DISP1: variants seen among roughly 807,000 people sequenced by gnomAD.
DISP1 encodes the protein dispatched RND transporter family member 1.
A neutral mutation model predicts 37.3 loss-of-function variants in DISP1; 30 were observed. That is an observed-to-expected ratio of 0.80 (90% CI 0.60 to 1.09). The LOEUF is 1.09. Ranked by LOEUF, DISP1 falls within the 50% of genes least tolerant of loss-of-function variation. DISP1 has a pLI of 0.00. For missense variants in DISP1, 1,598 were observed against 1,879.5 expected (o/e 0.85, Z 2.77); for synonymous variants, 634 against 690.2 (o/e 0.92, Z 1.28).
chr1:222,937,462 C>T (rs942028211), intron 2 of DISP1, among the ~76,000 whole-genome samples: 2 of 152,142 alleles, frequency 1.3e-5, no homozygotes, highest in Non-Finnish European at 2.9e-5. Context: ...TGTATACATA[C>T]ATAGTGTTAT....
intron 6 of DISP1, 38 bp downstream of exon 6, chr1:222,991,685 A>G: frequency 6.3e-7 from 1 of 1,587,336 alleles, no homozygotes; most frequent in Non-Finnish European, 8.6e-7. Flanking sequence ...TTTTAGACAA[A>G]ACATTGCTGA....
At chr1:222,868,739 A>G (rs1049273674) in intron 1 of DISP1, among the ~76,000 whole-genome samples, 4 of 152,152 alleles carry the variant, frequency 2.6e-5, no homozygotes, top group African/African-American at 7.2e-5. Flanking sequence ...ATATACTGAA[A>G]TTCTTCAATA....
chr1:222,994,740 G>A (rs1283688041), intron 7 of DISP1, 145 bp from the exon 8 acceptor site: 1 of 643,914 alleles, frequency 1.6e-6, no homozygotes, highest in Non-Finnish European at 2.7e-6. Flanking sequence ...TTTTCTCCTG[G>A]AATTTATCAA....
At chr1:222,838,533 C>A (rs573643531) in intron 1 of DISP1, among the ~76,000 whole-genome samples, 334 of 151,984 alleles carry the variant, frequency 2.2e-3, no homozygotes, top group African/African-American at 7.6e-3. Flanking sequence ...CTTTGGGAGC[C>A]CCAGGTAGAA....
chr1:222,896,508 G>A (rs2125396846), intron 1 of DISP1, among the ~76,000 whole-genome samples: 1 of 152,008 alleles, frequency 6.6e-6, no homozygotes, highest in African/African-American at 2.4e-5. Context: ...GGCTGAGGCA[G>A]GAGAATTGCT....
chr1:222,977,484 T>C (rs1409296698), intron 3 of DISP1, among the ~76,000 whole-genome samples: 1 of 151,794 alleles, frequency 6.6e-6, no homozygotes. Context: ...TTAGATTACT[T>C]GTCACTATAT....
rs892852654 is a variant in DISP1, at chr1:222,961,927, AC to A, written c.509+18598del. Among the ~76,000 whole-genome samples, 37 of 151,922 alleles carry A rather than the reference AC, an allele frequency of 2.4e-4. 1 individual carries two copies. The highest frequency in any genetic ancestry group is 8.7e-4 in the African/African-American group (36 of 41,340). Reference sequence around the variant, plus strand: ...AGGCTGAGGCAGGAGAATCACTTGAACCCAGGAGGCAGAGGTTGCAGTGAGC... The same window carrying A: ...AGGCTGAGGCAGGAGAATCACTTGAACCAGGAGGCAGAGGTTGCAGTGAGC... On this transcript the variant is annotated intron_variant, in intron 3 of 8. Coordinates refer to ENST00000675850, the MANE Select transcript of DISP1 (RefSeq NM_001377229.1).
chr1:222,948,357 G>A (rs1452885927), intron 3 of DISP1, among the ~76,000 whole-genome samples: 3 of 152,156 alleles, frequency 2.0e-5, no homozygotes, highest in Non-Finnish European at 2.9e-5. Flanking sequence ...ATGCTATCTC[G>A]TCCTTTACCC....
At chr1:222,979,180 A>C (rs1677637169) in intron 3 of DISP1, among the ~76,000 whole-genome samples, 1 of 152,170 alleles carries the variant, frequency 6.6e-6, no homozygotes, top group Non-Finnish European at 1.5e-5. Context: ...AGCCTGGGCG[A>C]GAGTGTCACT....
chr1:222,955,179 T>C (rs2789936), intron 3 of DISP1, among the ~76,000 whole-genome samples: 148,503 of 151,810 alleles, frequency 0.98, 72,712 homozygotes, highest in East Asian at 1. Context: ...CTCTGCCTCC[T>C]GAGTTCATGT....
chr1:222,917,866 A>G (rs1672582725), intron 1 of DISP1, among the ~76,000 whole-genome samples: 1 of 152,226 alleles, frequency 6.6e-6, no homozygotes, highest in Non-Finnish European at 1.5e-5. Flanking sequence ...TGTTGGTTCA[A>G]GCAATGGCCT....
chr1:222,950,095 T>C (rs1442703421), intron 3 of DISP1, among the ~76,000 whole-genome samples: 2 of 152,092 alleles, frequency 1.3e-5, no homozygotes, highest in African/African-American at 4.8e-5. Flanking sequence ...AATAAATAAC[T>C]CTAAGAGTTG....
At chr1:222,984,765 C>A (rs1223740104) in intron 4 of DISP1, among the ~76,000 whole-genome samples, 1 of 152,076 alleles carries the variant, frequency 6.6e-6, no homozygotes, top group East Asian at 1.9e-4. Context: ...AACTGAAATT[C>A]TGTACCCATT....
intron 1 of DISP1, among the ~76,000 whole-genome samples, chr1:222,878,254 G>T (rs1407621838): frequency 6.6e-6 from 1 of 152,188 alleles, no homozygotes; most frequent in East Asian, 1.9e-4. Flanking sequence ...AAAAGAAGAT[G>T]AGAGTGAAGA....
At chr1:222,994,852 C>CT in intron 7 of DISP1, 33 bp from the exon 8 acceptor site, 1 of 1,481,878 alleles carries the variant, frequency 6.7e-7, no homozygotes, top group Non-Finnish European at 9.4e-7. Flanking sequence ...ATTTATAAAC[C>CT]TTTTTCTTTC....
rs191575622 is a variant in DISP1 at position 222,888,382 on chromosome 1, A to G, written c.-158-40048A>G. ...ATATACATTGAACAAACCATCTTTT[A>G]AAAAGTTAAAAATTTCAAGCTGAAG... On this transcript the variant is annotated intron_variant, in intron 1 of 8. Coordinates refer to ENST00000675850, the MANE Select transcript of DISP1 (RefSeq NM_001377229.1). Among the ~76,000 whole-genome samples the G allele has an allele frequency of 2.8e-3, 420 of 152,314 alleles. 3 individuals carry two copies. The highest frequency in any genetic ancestry group is 9.7e-3 in the African/African-American group (405 of 41,576).
chr1:222,942,420 A>G (rs918761588), intron 2 of DISP1, among the ~76,000 whole-genome samples: 5 of 152,132 alleles, frequency 3.3e-5, no homozygotes, highest in Non-Finnish European at 7.4e-5. Flanking sequence ...AAATCAGAAC[A>G]TATAAGCCAA....
chr1:222,936,903 T>TA lies in DISP1; in HGVS notation c.-17-5903dup, dbSNP rs1284065130. On this transcript the variant is annotated intron_variant, in intron 2 of 8. Coordinates refer to ENST00000675850, the MANE Select transcript of DISP1 (RefSeq NM_001377229.1). ...TGATATATATAATATATTATTTATATATAATATATTATATATTATATAATA... is the reference window on the plus strand; with the variant it reads ...TGATATATATAATATATTATTTATATAATAATATATTATATATTATATAATA... 2.1e-3 allele frequency among the ~76,000 whole-genome samples: 188 copies of TA among 91,316 alleles called. 1 individual carries two copies. The highest frequency in any genetic ancestry group is 7.8e-3 in the African/African-American group (174 of 22,278). 59.9% of individuals were successfully genotyped at this position (91,316 alleles called of 152,430 possible).
chr1:222,898,548 G>GTTTT (rs5781289), intron 1 of DISP1, among the ~76,000 whole-genome samples: 55 of 146,800 alleles, frequency 3.7e-4, no homozygotes, highest in Non-Finnish European at 6.6e-4. Context: ...ATGTACCACT[G>GTTTT]TTTTTTTTTT....
Sources: allele counts gnomAD v4.1 joint callset (sites outside exome capture counted in the v4.1 genomes callset), GRCh38; gene constraint gnomAD v4.1.1; transcripts MANE v1.5; gene names NCBI Gene and HGNC (gene_info 2026-07-23, HGNC 2026-07-21).